Variants in STK32B observed in about 807,000 individuals in gnomAD.
The protein encoded by STK32B is serine/threonine kinase 32B.
Under a neutral mutation model 52.6 loss-of-function variants are expected in STK32B, and 43 were observed. The ratio of observed to expected loss-of-function variants is 0.82; its 90% CI spans 0.64 to 1.05. The LOEUF is 1.05. STK32B is among the 50% of genes least tolerant of loss of function. The pLI is 0.00. For missense variants in STK32B, 621 were observed against 534.6 expected (o/e 1.16, Z -1.59); for synonymous variants, 238 against 204.3 (o/e 1.17, Z -1.41).
chr4:5,494,840 A>C (rs1409154110), intron 11 of STK32B, among the ~76,000 whole-genome samples: 1 of 152,088 alleles, frequency 6.6e-6, no homozygotes, highest in Admixed American at 6.6e-5. Context: ...TTTGAAGCTT[A>C]GTTTGGCGGG....
chr4:5,438,007 C>CCA, intron 6 of STK32B: 1 of 985,488 alleles, frequency 1.0e-6, no homozygotes, highest in Non-Finnish European at 1.2e-6. Context: ...ATCATGACAG[C>CCA]CAGGACAGGA....
intron 3 of STK32B, among the ~76,000 whole-genome samples, chr4:5,321,531 C>T (rs1731488765): frequency 6.6e-6 from 1 of 152,186 alleles, no homozygotes; most frequent in Non-Finnish European, 1.5e-5. Context: ...TTCAGGCTCA[C>T]TGTCTGTCCC....
chr4:5,043,261 C>T, the STK32B span, among the ~76,000 whole-genome samples: 2 of 152,124 alleles, frequency 1.3e-5, no homozygotes, highest in African/African-American at 4.8e-5. Context: ...TTGAGTCTCC[C>T]TTGTCTCAAT....
At chr4:5,039,751 G>A in the STK32B span, among the ~76,000 whole-genome samples, 6 of 152,220 alleles carry the variant, frequency 3.9e-5, no homozygotes, top group African/African-American at 1.4e-4. Flanking sequence ...AACACGTGAG[G>A]AATGCATTGT....
intron 3 of STK32B, among the ~76,000 whole-genome samples, chr4:5,184,348 CACA>C (rs1028823823): frequency 7.2e-5 from 11 of 152,236 alleles, no homozygotes; most frequent in African/African-American, 2.6e-4. Context: ...TCAGAACATG[CACA>C]ACATTTATTG....
chr4:5,210,617 G>T (rs1367766156), intron 3 of STK32B, among the ~76,000 whole-genome samples: 4 of 152,054 alleles, frequency 2.6e-5, no homozygotes, highest in African/African-American at 9.7e-5. Flanking sequence ...ATGAAGGCAG[G>T]GACCAGGTGT....
rs529661421 is a variant in STK32B at position 5,392,699 on chromosome 4, A to C, written c.435-5508A>C. On this transcript the variant is annotated intron_variant, in intron 4 of 11. Transcript: ENST00000282908. Reference sequence around the variant, plus strand: ...AAATAGTTCTCTCTTTATCAGTAAAATAGGAGTAGCAATACCTATCTCTAA... The same window carrying C: ...AAATAGTTCTCTCTTTATCAGTAAACTAGGAGTAGCAATACCTATCTCTAA... Among the ~76,000 whole-genome samples, 7 of 152,298 alleles carry C rather than the reference A, an allele frequency of 4.6e-5. No individual in the cohort carries two copies. In the South Asian group the frequency reaches 1.5e-3, roughly 32 times the overall value.
chr4:5,155,395 C>G, intron 2 of STK32B, among the ~76,000 whole-genome samples: 1 of 152,316 alleles, frequency 6.6e-6, no homozygotes, highest in South Asian at 2.1e-4. Context: ...TCCTCTTGTT[C>G]GCTGTTTTAT....
chr4:5,476,141 C>A (rs906739340), intron 11 of STK32B, among the ~76,000 whole-genome samples: 1 of 152,088 alleles, frequency 6.6e-6, no homozygotes, highest in African/African-American at 2.4e-5. Flanking sequence ...CTCAGGTGAT[C>A]TGCCCACCTC....
intron 3 of STK32B, among the ~76,000 whole-genome samples, chr4:5,256,951 A>G (rs1186307118): frequency 6.6e-5 from 10 of 152,086 alleles, no homozygotes; most frequent in African/African-American, 2.4e-4. Flanking sequence ...GAGTAAGTGG[A>G]TGAATAAGTG....
chr4:5,185,671 T>C (rs13123841), intron 3 of STK32B, among the ~76,000 whole-genome samples: 57,289 of 152,000 alleles, frequency 0.38, 11,584 homozygotes, highest in East Asian at 0.51. Context: ...GCCTGAACTG[T>C]TGCTATAGGC....
chr4:5,047,323 C>T (rs935158644), upstream of STK32B, among the ~76,000 whole-genome samples: 6 of 151,418 alleles, frequency 4.0e-5, no homozygotes, highest in African/African-American at 1.2e-4. Context: ...GAACAACATA[C>T]ACCAGGGCCT....
chr4:5,239,624 A>G (rs1724871019), intron 3 of STK32B, among the ~76,000 whole-genome samples: 1 of 152,128 alleles, frequency 6.6e-6, no homozygotes, highest in Admixed American at 6.5e-5. Context: ...GGCAAGGCTG[A>G]GCCACAAGTG....
chr4:5,456,768 GCTCT>G (rs1025170245), intron 7 of STK32B, 35 bp from the exon 8 acceptor site: 1 of 1,500,374 alleles, frequency 6.7e-7, no homozygotes, highest in Admixed American at 1.9e-5. Flanking sequence ...CCTTCCAATG[GCTCT>G]CTCTCTGATT....
chr4:5,182,452 C>CT (rs943586842), intron 3 of STK32B, among the ~76,000 whole-genome samples: 39 of 150,878 alleles, frequency 2.6e-4, no homozygotes, highest in East Asian at 7.8e-4. Flanking sequence ...ACAAAATGTC[C>CT]TTTTTTTTTC....
chr4:5,444,376 C>G (rs970140735), intron 6 of STK32B, among the ~76,000 whole-genome samples: 2 of 152,212 alleles, frequency 1.3e-5, no homozygotes, highest in Admixed American at 6.5e-5. Flanking sequence ...AGGTGCCGTC[C>G]GTCACCCCTT....
chr4:5,251,095 C>T (rs1424143066), intron 3 of STK32B, among the ~76,000 whole-genome samples: 4 of 152,166 alleles, frequency 2.6e-5, no homozygotes, highest in African/African-American at 9.7e-5. Flanking sequence ...GGTTTTGTTG[C>T]AATTGCTTTT....
intron 7 of STK32B, among the ~76,000 whole-genome samples, chr4:5,455,790 C>T (rs1388332018): frequency 1.3e-5 from 2 of 152,082 alleles, no homozygotes; most frequent in East Asian, 3.9e-4. Flanking sequence ...GTCAAATTCC[C>T]CCTTTGAGCA....
Position 5,084,975 on chromosome 4 carries a change from C to T in STK32B, c.52+33060C>T, listed in dbSNP as rs1315792742. 3.3e-5 allele frequency among the ~76,000 whole-genome samples: 5 copies of T among 152,074 alleles called. No homozygotes were observed. In the South Asian group the frequency reaches 6.2e-4, roughly 19 times the overall value. Reference sequence around the variant, plus strand: ...GCATGATTCATGACAGTAAAAGTGTCGAGAAAAGCACAAATCAGTTCCCCA... The same window carrying T: ...GCATGATTCATGACAGTAAAAGTGTTGAGAAAAGCACAAATCAGTTCCCCA... On this transcript the variant is annotated intron_variant, in intron 1 of 11. Coordinates refer to ENST00000282908, the MANE Select transcript of STK32B (RefSeq NM_018401.3).
Sources: allele counts gnomAD v4.1 joint callset (sites outside exome capture counted in the v4.1 genomes callset), GRCh38; gene constraint gnomAD v4.1.1; transcripts MANE v1.5; gene names NCBI Gene and HGNC (gene_info 2026-07-23, HGNC 2026-07-21).